The following RBM46 variants were observed in gnomAD, a reference collection of about 807,000 sequenced individuals.
RBM46 encodes the protein RNA binding motif protein 46, also known as probable RNA-binding protein 46.
In RBM46, 12 loss-of-function variants were observed where a neutral mutation model predicts 43.3. That is an observed-to-expected ratio of 0.28 (90% CI 0.18 to 0.45). The LOEUF (loss-of-function observed/expected upper bound fraction) is 0.45, where lower values mean the gene tolerates loss of function less well. Ranked by LOEUF, RBM46 falls within the 20% of genes least tolerant of loss-of-function variation. The pLI, the probability that RBM46 is intolerant of heterozygous loss-of-function variation, is 1.00. For missense variants in RBM46, 412 were observed against 639.1 expected (o/e 0.64, Z 3.83); for synonymous variants, 205 against 207.6 (o/e 0.99, Z 0.11).
chr4:154,808,342 A>G (rs1479637401), intron 4 of RBM46, among the ~76,000 whole-genome samples: 1 of 151,920 alleles, frequency 6.6e-6, no homozygotes, highest in African/African-American at 2.4e-5. Context: ...TCCTTCCATT[A>G]TATAGTCTAA....
At chr4:154,789,168 T>C (rs1045712182) in intron 1 of RBM46, among the ~76,000 whole-genome samples, 2 of 152,174 alleles carry the variant, frequency 1.3e-5, no homozygotes, top group Non-Finnish European at 2.9e-5. Context: ...ACCCTTTATT[T>C]ATTTCTCCTG....
chr4:154,827,796 T>C, intron 4 of RBM46, 72 bp from the exon 5 acceptor site: 1 of 1,598,434 alleles, frequency 6.3e-7, no homozygotes, highest in Non-Finnish European at 8.5e-7. Flanking sequence ...TATTGTTTAA[T>C]GCTTTGTCTC....
At chr4:154,798,636 T>A in intron 3 of RBM46, 146 bp from the exon 4 acceptor site, 1 of 591,488 alleles carries the variant, frequency 1.7e-6, no homozygotes. Flanking sequence ...TAGTAAAAAT[T>A]TTTGTGTGAA....
intron 4 of RBM46, among the ~76,000 whole-genome samples, chr4:154,815,320 C>G (rs1025661837): frequency 3.9e-5 from 6 of 151,910 alleles, no homozygotes; most frequent in African/African-American, 1.5e-4. Flanking sequence ...CATTTGCACA[C>G]ATTCCTGTTG....
At chr4:154,826,466 T>C (rs1300095346) in intron 4 of RBM46, among the ~76,000 whole-genome samples, 3 of 151,966 alleles carry the variant, frequency 2.0e-5, no homozygotes, top group Admixed American at 1.3e-4. Context: ...CTCAAATAAA[T>C]AAATAAAGAT....
At chr4:154,808,735 AAATAATTC>A (rs1735036410) in intron 4 of RBM46, among the ~76,000 whole-genome samples, 1 of 152,068 alleles carries the variant, frequency 6.6e-6, no homozygotes, top group Non-Finnish European at 1.5e-5. Flanking sequence ...TCTGCACTAT[AAATAATTC>A]AAGCAGTGAA....
At chr4:154,801,684 A>G (rs926587383) in intron 4 of RBM46, among the ~76,000 whole-genome samples, 19 of 152,280 alleles carry the variant, frequency 1.2e-4, no homozygotes, top group African/African-American at 4.3e-4. Flanking sequence ...AATTCTTACA[A>G]CATAGCCATA....
rs34773010 is a variant in RBM46, at chr4:154,828,370, GT to G, written c.*318del. ...TGGGCAATAGAACCTAGTCATTTAT[GT>G]TTTTTTTTTTTTTTGCATAATTTTA... On this transcript the variant is annotated 3_prime_UTR_variant, in exon 5 of 5. Coordinates refer to ENST00000281722, the MANE Select transcript of RBM46 (RefSeq NM_144979.5). The G allele has an allele frequency of 0.54, 104,333 of 194,602 alleles. 21,696 individuals are homozygous for G. Among genetic ancestry groups the G allele is most frequent in the East Asian group, 0.73 (4,820 of 6,644 alleles). The allele number at this position is 194,602 out of a possible 1,614,324, so 12.1% of individuals were successfully genotyped here. A position where few individuals can be genotyped will look rare whatever the true frequency, so the allele number is the denominator to read the frequency against.
intron 1 of RBM46, among the ~76,000 whole-genome samples, chr4:154,783,500 A>G (rs927389119): frequency 1.3e-5 from 2 of 152,190 alleles, no homozygotes; most frequent in African/African-American, 2.4e-5. Flanking sequence ...GTTATTTCTC[A>G]TTTTACTACC....
intron 1 of RBM46, among the ~76,000 whole-genome samples, chr4:154,794,812 C>G (rs1734270965): frequency 6.6e-6 from 1 of 152,072 alleles, no homozygotes; most frequent in African/African-American, 2.4e-5. Context: ...GTTCTCTTCC[C>G]TTGTCAACCT....
chr4:154,807,201 CAT>C (rs1734948243), intron 4 of RBM46, among the ~76,000 whole-genome samples: 1 of 151,790 alleles, frequency 6.6e-6, no homozygotes, highest in East Asian at 1.9e-4. Flanking sequence ...AATTTTGCCA[CAT>C]GATGTCCCTA....
Position 154,828,235 on chromosome 4 carries a change from G to T in RBM46, c.*168G>T. The T allele has an allele frequency of 1.7e-6, 1 of 596,854 alleles. No homozygotes were observed. Among genetic ancestry groups the T allele is most frequent in the Non-Finnish European group, 2.9e-6 (1 of 341,152 alleles). The allele number at this position is 596,854 out of a possible 1,614,324, so 37.0% of individuals were successfully genotyped here. On this transcript the variant is annotated 3_prime_UTR_variant, in exon 5 of 5. Coordinates refer to ENST00000281722, the MANE Select transcript of RBM46 (RefSeq NM_144979.5). Reference sequence around the variant, plus strand: ...TAATTCAGAATAACATGGAGTTGTAGAATTTATAAAAATGCAAAGTTTAAA... The same window carrying T: ...TAATTCAGAATAACATGGAGTTGTATAATTTATAAAAATGCAAAGTTTAAA...
At chr4:154,781,560 TC>T (rs1435694155) in intron 1 of RBM46, 124 bp downstream of exon 1, 2 of 152,534 alleles carry the variant, frequency 1.3e-5, no homozygotes. Flanking sequence ...GGGTTCACCC[TC>T]GTCCTTCCCC....
chr4:154,794,526 CT>C (rs746322751), intron 1 of RBM46, among the ~76,000 whole-genome samples: 2 of 152,042 alleles, frequency 1.3e-5, no homozygotes, highest in Non-Finnish European at 2.9e-5. Flanking sequence ...CCAGATGATC[CT>C]TTTAAAATGA....
chr4:154,789,384 G>A (rs1316022249), intron 1 of RBM46, among the ~76,000 whole-genome samples: 1 of 152,176 alleles, frequency 6.6e-6, no homozygotes, highest in Non-Finnish European at 1.5e-5. Flanking sequence ...TTAGCATGGA[G>A]GGCTGTTGAA....
chr4:154,786,149 C>A (rs1055126358), intron 1 of RBM46, among the ~76,000 whole-genome samples: 1 of 152,196 alleles, frequency 6.6e-6, no homozygotes, highest in Admixed American at 6.5e-5. Context: ...TGCAGTGGCA[C>A]GATCTCAGCT....
chr4:154,826,971 T>C, intron 4 of RBM46: 1 of 1,295,448 alleles, frequency 7.7e-7, no homozygotes, highest in Non-Finnish European at 9.8e-7. Flanking sequence ...AACACCATAA[T>C]GTTTCTAAAT....
intron 1 of RBM46, among the ~76,000 whole-genome samples, chr4:154,786,484 TCA>T (rs1733773321): frequency 1.3e-5 from 2 of 152,214 alleles, no homozygotes; most frequent in Admixed American, 6.5e-5. Flanking sequence ...GCATTTGGTG[TCA>T]CATAAATCTG....
At chr4:154,807,688 C>G (rs1312948217) in intron 4 of RBM46, among the ~76,000 whole-genome samples, 1 of 151,902 alleles carries the variant, frequency 6.6e-6, no homozygotes. Context: ...TACCTTACCT[C>G]CAAGAATGGT....
Sources: allele counts gnomAD v4.1 joint callset (sites outside exome capture counted in the v4.1 genomes callset), GRCh38; gene constraint gnomAD v4.1.1; transcripts MANE v1.5; gene names NCBI Gene and HGNC (gene_info 2026-07-23, HGNC 2026-07-21).